The following PIKFYVE variants were observed in gnomAD, a reference collection of about 807,000 sequenced individuals.
PIKFYVE encodes phosphoinositide kinase, FYVE-type zinc finger containing.
In PIKFYVE, 122 loss-of-function variants were observed where a neutral mutation model predicts 257.9. That is an observed-to-expected ratio of 0.47 (90% CI 0.41 to 0.55). The LOEUF is 0.55. Among genes scored for constraint, PIKFYVE ranks in the 20% least tolerant of loss-of-function variants. The pLI, the probability that PIKFYVE is intolerant of heterozygous loss-of-function variation, is 0.00. For synonymous variants in PIKFYVE, 892 were observed against 868.9 expected (o/e 1.03, Z -0.47); for missense variants, 2,160 against 2,536.6 (o/e 0.85, Z 3.19).
chr2:208,343,530 C>T (rs1482060177), intron 32 of PIKFYVE, among the ~76,000 whole-genome samples: 1 of 152,084 alleles, frequency 6.6e-6, no homozygotes, highest in Non-Finnish European at 1.5e-5. Context: ...TTAGCCTAGC[C>T]ACAGTAAGAG....
intron 10 of PIKFYVE, chr2:208,302,637 G>T: frequency 2.6e-6 from 1 of 390,454 alleles, no homozygotes; most frequent in Non-Finnish European, 4.8e-6. Context: ...CTTAAATTTG[G>T]GTTTATGGTC....
chr2:208,355,369 T>C lies in PIKFYVE; in HGVS notation c.*64T>C. ...GGGGACAGGAACAAAGGACCAAAAA[T>C]AAGCTACATGTTTTATTTCTTCATC... On this transcript the variant is annotated 3_prime_UTR_variant, in exon 42 of 42. Coordinates refer to ENST00000264380, the MANE Select transcript of PIKFYVE (RefSeq NM_015040.4). The C allele has an allele frequency of 7.8e-7, 1 of 1,283,382 alleles. No homozygotes were observed. The highest frequency in any genetic ancestry group is 1.1e-6 in the Non-Finnish European group (1 of 885,674). The allele number at this position is 1,283,382 out of a possible 1,614,324, so 79.5% of individuals were successfully genotyped here. A position where few individuals can be genotyped will look rare whatever the true frequency, so the allele number is the denominator to read the frequency against.
chr2:208,334,868 G>T lies in PIKFYVE; in HGVS notation c.4143-438G>T, dbSNP rs1334941437. Among the ~76,000 whole-genome samples, 12 of 152,102 alleles carry T rather than the reference G, an allele frequency of 7.9e-5. 1 individual carries two copies. Among genetic ancestry groups the T allele is most frequent in the Admixed American group, 7.9e-4 (12 of 15,268 alleles). On this transcript the variant is annotated intron_variant, in intron 24 of 41. Coordinates refer to ENST00000264380, the MANE Select transcript of PIKFYVE (RefSeq NM_015040.4). ...GCAAGAGTTTTTAACCGTGCATGTA[G>T]GGCCTTGCGGGGGAGTTGGGTTGTA...
intron 10 of PIKFYVE, 166 bp downstream of exon 10, chr2:208,302,519 G>A (rs1574521722): frequency 1.6e-6 from 1 of 640,734 alleles, no homozygotes. Flanking sequence ...CAGCAGTGAT[G>A]AAAAAGCTGC....
intron 9 of PIKFYVE, among the ~76,000 whole-genome samples, chr2:208,301,347 A>C (rs1465902215): frequency 6.6e-6 from 1 of 152,206 alleles, no homozygotes; most frequent in African/African-American, 2.4e-5. Flanking sequence ...ACTCTCTAGC[A>C]AAGGAGGATT....
At chr2:208,284,691 C>G (rs780434024) in intron 5 of PIKFYVE, among the ~76,000 whole-genome samples, 1 of 152,038 alleles carries the variant, frequency 6.6e-6, no homozygotes, top group South Asian at 2.1e-4. Context: ...CAATAAAGAC[C>G]TTAATAATAT....
At position 208,325,027 on chromosome 2, in the gene PIKFYVE, G is replaced by C. The variant is rs989853723; in HGVS notation, c.2448G>C (p.Gln816His). Reference sequence around the variant, plus strand: ...ACAAATTTTATATGCAGATATTTCAGTTGCCTAATGGTGAGTGATCTTTAG... The same window carrying C: ...ACAAATTTTATATGCAGATATTTCACTTGCCTAATGGTGAGTGATCTTTAG... ...TCHKFYMQIF[Q>H]LPNEQTKTLM... The change falls in exon 19 of 42, where the codon CAG becomes CAC. Residue 816 changes from glutamine to histidine, a missense_variant. Coordinates refer to ENST00000264380, the MANE Select transcript of PIKFYVE (RefSeq NM_015040.4). 2.5e-6 allele frequency: 4 copies of C among 1,613,988 alleles called. No individual in the cohort carries two copies. The highest frequency in any genetic ancestry group is 3.4e-6 in the Non-Finnish European group (4 of 1,179,996).
intron 3 of PIKFYVE, among the ~76,000 whole-genome samples, chr2:208,275,033 C>T (rs996782875): frequency 6.6e-6 from 1 of 152,200 alleles, no homozygotes; most frequent in Non-Finnish European, 1.5e-5. Context: ...TACTGTCCTT[C>T]TCAAGTCTGC....
chr2:208,316,769 T>C (rs1695573409), intron 15 of PIKFYVE, among the ~76,000 whole-genome samples: 1 of 152,238 alleles, frequency 6.6e-6, no homozygotes, highest in Non-Finnish European at 1.5e-5. Flanking sequence ...AGCGTGGTAC[T>C]GGTACCAAAA....
At chr2:208,334,701 T>C (rs539887823) in intron 24 of PIKFYVE, among the ~76,000 whole-genome samples, 1 of 152,358 alleles carries the variant, frequency 6.6e-6, no homozygotes, top group Non-Finnish European at 1.5e-5. Flanking sequence ...TGTATTTGTT[T>C]TGTTTGTTAC....
chr2:208,288,908 G>T, intron 7 of PIKFYVE, 90 bp downstream of exon 7: 1 of 1,480,228 alleles, frequency 6.8e-7, no homozygotes, highest in Non-Finnish European at 9.4e-7. Context: ...GGGTGGGATT[G>T]ATTGTCATAT....
intron 3 of PIKFYVE, chr2:208,274,034 A>G: frequency 1.9e-6 from 3 of 1,612,248 alleles, no homozygotes; most frequent in Non-Finnish European, 2.5e-6. Flanking sequence ...ACAGTTTGCA[A>G]CATCCCCAGG....
chr2:208,291,696 G>A (rs1692335304), intron 7 of PIKFYVE, among the ~76,000 whole-genome samples: 2 of 151,946 alleles, frequency 1.3e-5, no homozygotes, highest in African/African-American at 2.4e-5. Flanking sequence ...TTAGTACTTT[G>A]TGTTTTCTCC....
At chr2:208,352,113 T>C (rs1699827872) in intron 38 of PIKFYVE, among the ~76,000 whole-genome samples, 1 of 152,186 alleles carries the variant, frequency 6.6e-6, no homozygotes, top group African/African-American at 2.4e-5. Flanking sequence ...TTAGTTTATA[T>C]AAAAAATCAC....
At position 208,302,388 on chromosome 2, in the gene PIKFYVE, G is replaced by A. The variant is rs368440170; in HGVS notation, c.1320+35G>A. 4 of 1,521,862 alleles carry A rather than the reference G, an allele frequency of 2.6e-6. No homozygotes were observed. In the African/African-American group the frequency reaches 4.1e-5, roughly 16 times the overall value. The allele number at this position is 1,521,862 out of a possible 1,614,324, so 94.3% of individuals were successfully genotyped here. ...AGTGTTTACTGCCAATTAGAATGTAGCAAGCTTATTTTATAGTCTTTCTTC... is the reference window on the plus strand; with the variant it reads ...AGTGTTTACTGCCAATTAGAATGTAACAAGCTTATTTTATAGTCTTTCTTC... On this transcript the variant is annotated intron_variant, in intron 10 of 41. Transcript: ENST00000264380.
At chr2:208,347,405 A>G (rs1699329675) in intron 34 of PIKFYVE, among the ~76,000 whole-genome samples, 1 of 152,250 alleles carries the variant, frequency 6.6e-6, no homozygotes, top group Non-Finnish European at 1.5e-5. Flanking sequence ...GTAGGAACAC[A>G]AATGACACAA....
chr2:208,352,896 T>C (rs1453510144), intron 39 of PIKFYVE, 114 bp downstream of exon 39: 3 of 1,342,574 alleles, frequency 2.2e-6, no homozygotes, highest in Non-Finnish European at 3.1e-6. Flanking sequence ...TATTTAACTT[T>C]GGTTACTAGG....
chr2:208,322,048 G>A (rs1164348784), intron 17 of PIKFYVE, among the ~76,000 whole-genome samples: 3 of 152,140 alleles, frequency 2.0e-5, no homozygotes, highest in Admixed American at 2.0e-4. Context: ...GATAACTCAT[G>A]TTGGTTTCAG....
intron 20 of PIKFYVE, among the ~76,000 whole-genome samples, chr2:208,327,100 T>C (rs1697018654): frequency 6.6e-6 from 1 of 152,182 alleles, no homozygotes; most frequent in Non-Finnish European, 1.5e-5. Flanking sequence ...ATTTCACTAG[T>C]AGTCAAGGAA....
Sources: allele counts gnomAD v4.1 joint callset (sites outside exome capture counted in the v4.1 genomes callset), GRCh38; gene constraint gnomAD v4.1.1; transcripts MANE v1.5; gene names NCBI Gene and HGNC (gene_info 2026-07-23, HGNC 2026-07-21).